Variants in MRPS35 observed in about 807,000 individuals in gnomAD.
MRPS35 encodes mitochondrial ribosomal protein S35, also known as small ribosomal subunit protein mS35.
In MRPS35, 29 loss-of-function variants were observed where a neutral mutation model predicts 32.7. The ratio of observed to expected loss-of-function variants is 0.89; its 90% CI spans 0.66 to 1.21. MRPS35 has a LOEUF of 1.21. Among genes scored for constraint, MRPS35 ranks in the 50% most tolerant of loss-of-function variants. MRPS35 has a pLI of 0.00. For synonymous variants in MRPS35, 148 were observed against 139.3 expected (o/e 1.06, Z -0.44); for missense variants, 373 against 383.8 (o/e 0.97, Z 0.23).
At chr12:27,719,901 T>G in intron 4 of MRPS35, 33 bp downstream of exon 4, 1 of 1,429,886 alleles carries the variant, frequency 7.0e-7, no homozygotes, top group Non-Finnish European at 9.8e-7. Context: ...GAATTTTATA[T>G]TGACTTTGAA....
At chr12:27,716,486 C>T (rs2061851669) in intron 3 of MRPS35, 28 bp downstream of exon 3, 2 of 1,611,986 alleles carry the variant, frequency 1.2e-6, no homozygotes, top group Admixed American at 3.3e-5. Context: ...TTCATTGGCT[C>T]AGACTTACAT....
chr12:27,739,128 C>T (rs565935550), intron 7 of MRPS35, among the ~76,000 whole-genome samples: 1 of 152,296 alleles, frequency 6.6e-6, no homozygotes, highest in South Asian at 2.1e-4. Flanking sequence ...GAACTCCTAA[C>T]CTCAGGTGAT....
At chr12:27,733,017 T>G (rs2061928320) in intron 5 of MRPS35, among the ~76,000 whole-genome samples, 1 of 37,248 alleles carries the variant, frequency 2.7e-5, no homozygotes, top group Admixed American at 3.8e-4. Flanking sequence ...TATATATATA[T>G]ATATATATAT....
chr12:27,735,573 T>G lies in MRPS35; in HGVS notation c.632+17T>G, dbSNP rs1228701961. On this transcript the variant is annotated intron_variant, in intron 6 of 7. Transcript: ENST00000081029. ...AACAGATAGGTAATGGAAAAAATGT[T>G]CAGCCGACTGGTCACGTGTGTTTCC... 16 of 1,567,644 alleles carry G rather than the reference T, an allele frequency of 1.0e-5. No homozygotes were observed. The highest frequency in any genetic ancestry group is 2.7e-5 in the African/African-American group (2 of 73,778).
chr12:27,726,856 A>G (rs530075005), intron 5 of MRPS35, among the ~76,000 whole-genome samples: 1 of 150,740 alleles, frequency 6.6e-6, no homozygotes, highest in African/African-American at 2.4e-5. Flanking sequence ...TTATAAGTGT[A>G]TTTTATATAT....
At chr12:27,722,995 G>A (rs147639376) in intron 4 of MRPS35, among the ~76,000 whole-genome samples, 2,241 of 152,290 alleles carry the variant, frequency 0.015, 22 homozygotes, top group Middle Eastern at 0.024. Flanking sequence ...TCCCACATCT[G>A]CCTGTGATTA....
chr12:27,710,865 G>C lies in MRPS35; in HGVS notation c.22G>C (p.Ala8Pro). MAAAALP[A>P]WLSLQSRART... is the part of the protein sequence containing the mutation. ...AGCCATGGCGGCCGCCGCGCTCCCA[G>C]CATGGCTGTCTCTGCAGTCGAGGGC... The change falls in exon 1 of 8, where the codon GCA becomes CCA. Residue 8 changes from alanine to proline, a missense_variant. By Grantham distance (27) the Ala-to-Pro change is conservative (BLOSUM62 -1). Transcript: ENST00000081029. 1 of 1,609,652 alleles carries C rather than the reference G, an allele frequency of 6.2e-7. No homozygotes were observed. Among genetic ancestry groups the C allele is most frequent in the South Asian group, 1.1e-5 (1 of 91,044 alleles).
chr12:27,710,874 T>C lies in MRPS35; in HGVS notation c.31T>C (p.Ser11Pro), dbSNP rs751492208. MAAAALPAWL[S>P]LQSRARTLRA... ...GGCCGCCGCGCTCCCAGCATGGCTG[T>C]CTCTGCAGTCGAGGGCAAGGACTCT... Residue 11 changes from serine (S) to proline (P), a missense_variant, in exon 1 of 8, where the codon TCT (serine) becomes CCT (proline). Transcript: ENST00000081029. 3 of 1,611,142 alleles carry C rather than the reference T, an allele frequency of 1.9e-6. No homozygotes were observed. The highest frequency in any genetic ancestry group is 2.2e-5 in the South Asian group (2 of 91,068).
In MRPS35 at chr12:27,735,459, A is replaced by G. The variant is rs146896571; in HGVS notation, c.535A>G (p.Ser179Gly). The G allele has an allele frequency of 7.1e-5, 114 of 1,605,610 alleles. No homozygotes were observed. Among genetic ancestry groups the G allele is most frequent in the Non-Finnish European group, 8.8e-5 (103 of 1,176,680 alleles). The change falls in exon 6 of 8, where the codon AGT becomes GGT. Residue 179 changes from serine to glycine, a missense_variant. Physicochemically the swap from Ser to Gly is moderately conservative, Grantham distance 56. Coordinates refer to ENST00000081029, the MANE Select transcript of MRPS35 (RefSeq NM_021821.4). ...TCTTATTTTTAAGGTAAAGCTTTCC[A>G]GTTTGAATTTAGATGATCACGCAAA... is the stretch of plus-strand genomic sequence containing the variant. ...RVVVLRVKLS[S>G]LNLDDHAKKK...
chr12:27,744,924 C>T (rs964086289), intron 7 of MRPS35, among the ~76,000 whole-genome samples: 4 of 151,806 alleles, frequency 2.6e-5, no homozygotes, highest in Admixed American at 2.0e-4. Flanking sequence ...AAAAAGGACA[C>T]GAAAAAAGGG....
intron 4 of MRPS35, among the ~76,000 whole-genome samples, chr12:27,723,387 C>T (rs2061885010): frequency 6.6e-6 from 1 of 152,138 alleles, no homozygotes; most frequent in South Asian, 2.1e-4. Flanking sequence ...CAGACCCAAT[C>T]CCACTTCCTC....
chr12:27,732,179 T>C (rs1190038207), intron 5 of MRPS35, among the ~76,000 whole-genome samples: 1 of 152,238 alleles, frequency 6.6e-6, no homozygotes, highest in Non-Finnish European at 1.5e-5. Flanking sequence ...GAAAAATCTC[T>C]GAACTGAGAG....
At chr12:27,722,539 A>G (rs2061880908) in intron 4 of MRPS35, among the ~76,000 whole-genome samples, 1 of 152,104 alleles carries the variant, frequency 6.6e-6, no homozygotes, top group South Asian at 2.1e-4. Flanking sequence ...AAAAGAAAAA[A>G]GAGTCAGTGC....
intron 5 of MRPS35, among the ~76,000 whole-genome samples, chr12:27,731,949 C>T (rs1051907135): frequency 1.3e-5 from 2 of 152,086 alleles, no homozygotes; most frequent in African/African-American, 4.8e-5. Context: ...CAACAATATA[C>T]TAAGTTCTTA....
At chr12:27,719,998 A>G (rs897683923) in intron 4 of MRPS35, 130 bp downstream of exon 4, 1 of 676,118 alleles carries the variant, frequency 1.5e-6, no homozygotes, top group Non-Finnish European at 2.5e-6. Context: ...CAAGTCTGCA[A>G]ATTGTTTTTG....
intron 6 of MRPS35, 35 bp from the exon 7 acceptor site, chr12:27,737,504 T>C: frequency 6.3e-7 from 1 of 1,577,620 alleles, no homozygotes; most frequent in Non-Finnish European, 8.7e-7. Context: ...ACTGAGTTTT[T>C]AGAATTTTGA....
At chr12:27,722,196 C>G (rs1217228548) in intron 4 of MRPS35, among the ~76,000 whole-genome samples, 2 of 152,082 alleles carry the variant, frequency 1.3e-5, no homozygotes, top group Non-Finnish European at 2.9e-5. Context: ...CCGTATAACT[C>G]AAAGGCTTTT....
intron 7 of MRPS35, among the ~76,000 whole-genome samples, chr12:27,745,232 A>C (rs1052037321): frequency 6.6e-6 from 1 of 152,212 alleles, no homozygotes; most frequent in African/African-American, 2.4e-5. Flanking sequence ...GTGAAGAATC[A>C]AACAGCTTAT....
At chr12:27,741,712 A>C (rs531820012) in intron 7 of MRPS35, among the ~76,000 whole-genome samples, 12 of 152,302 alleles carry the variant, frequency 7.9e-5, no homozygotes, top group African/African-American at 2.9e-4. Context: ...GTTGAGAAAT[A>C]ATGAGTCAGT....
Sources: allele counts gnomAD v4.1 joint callset (sites outside exome capture counted in the v4.1 genomes callset), GRCh38; gene constraint gnomAD v4.1.1; transcripts MANE v1.5; gene names NCBI Gene and HGNC (gene_info 2026-07-23, HGNC 2026-07-21).